ZMPSTE24: variants seen among roughly 807,000 people sequenced by gnomAD.
ZMPSTE24 encodes CAAX prenyl protease 1 homolog.
A neutral mutation model predicts 56.7 loss-of-function variants in ZMPSTE24; 48 were observed. The observed-to-expected ratio is 0.85, with a 90% confidence interval of 0.67 to 1.08. The LOEUF is 1.08. ZMPSTE24 is among the 50% of genes least tolerant of loss of function. The pLI is 0.00. For synonymous variants in ZMPSTE24, 172 were observed against 195.2 expected (o/e 0.88, Z 0.99); for missense variants, 503 against 548.7 (o/e 0.92, Z 0.83).
chr1:40,273,516 T>TAA (rs1205861105), intron 6 of ZMPSTE24, among the ~76,000 whole-genome samples: 5 of 10,586 alleles, frequency 4.7e-4, no homozygotes, highest in African/African-American at 2.3e-3. Flanking sequence ...AAATTCTGTC[T>TAA]AAAAAAAAAA....
Position 40,272,003 on chromosome 1 carries a change from A to G in ZMPSTE24, c.737A>G (p.Asp246Gly). 1 of 1,612,412 alleles carries G rather than the reference A, an allele frequency of 6.2e-7. No homozygotes were observed. Reference sequence around the variant, plus strand: ...ATTGAAGTAATGGCAAAGAGTATTGACTTTCCTTTGACGAAGGTGTATGTT... The same window carrying G: ...ATTGAAGTAATGGCAAAGAGTATTGGCTTTCCTTTGACGAAGGTGTATGTT... ...EEIEVMAKSIDFPLTKVYVVE... is the reference protein window; with the variant it reads ...EEIEVMAKSIGFPLTKVYVVE... Residue 246 changes from aspartate to glycine, a missense_variant, in exon 6 of 10, where the codon GAC becomes GGC. Asp to Gly is a moderately conservative substitution (Grantham distance 94, BLOSUM62 -1). Transcript: ENST00000372759.
rs192736060 is a variant in ZMPSTE24 at position 40,286,424 on chromosome 1, A to G, written c.1059+395A>G. On this transcript the variant is annotated intron_variant, in intron 8 of 9. Transcript: ENST00000372759. ...TTAAAATGCTTTTTAAAATTAAATT[A>G]AAAAAATTTTTTTTGAGACAGAGTC... 2.0e-3 allele frequency among the ~76,000 whole-genome samples: 300 copies of G among 152,212 alleles called. 1 individual carries two copies. Among genetic ancestry groups the G allele is most frequent in the Non-Finnish European group, 3.9e-3 (265 of 68,006 alleles).
intron 7 of ZMPSTE24, among the ~76,000 whole-genome samples, chr1:40,284,073 T>A (rs1643758396): frequency 6.6e-6 from 1 of 150,388 alleles, no homozygotes. Context: ...GTAGCTGGGA[T>A]TACAGGTGTG....
chr1:40,271,768 C>G, intron 5 of ZMPSTE24, 126 bp from the exon 6 acceptor site: 1 of 1,024,824 alleles, frequency 9.8e-7, no homozygotes, highest in Admixed American at 2.5e-5. Flanking sequence ...AATACCAGAG[C>G]AAGTAAGTTC....
At chr1:40,285,877 A>G in intron 7 of ZMPSTE24, 48 bp from the exon 8 acceptor site, 1 of 1,503,706 alleles carries the variant, frequency 6.7e-7, no homozygotes, top group Non-Finnish European at 9.1e-7. Flanking sequence ...AAAAGATAAA[A>G]CTTTTTAAAG....
intron 2 of ZMPSTE24, among the ~76,000 whole-genome samples, chr1:40,261,867 A>G (rs1408297988): frequency 6.6e-6 from 1 of 152,040 alleles, no homozygotes; most frequent in East Asian, 1.9e-4. Flanking sequence ...GTGCCACCAC[A>G]CCTGGCTAAT....
At chr1:40,281,967 C>G (rs1171133418) in intron 7 of ZMPSTE24, among the ~76,000 whole-genome samples, 1 of 152,066 alleles carries the variant, frequency 6.6e-6, no homozygotes, top group Non-Finnish European at 1.5e-5. Context: ...GGATTTGAAT[C>G]CTGGTTCTGT....
At chr1:40,263,263 G>A (rs1643516454) in intron 2 of ZMPSTE24, among the ~76,000 whole-genome samples, 1 of 152,168 alleles carries the variant, frequency 6.6e-6, no homozygotes, top group Non-Finnish European at 1.5e-5. Flanking sequence ...GATGGGCTAA[G>A]GTTGGGAACA....
chr1:40,292,514 C>T lies in ZMPSTE24; in HGVS notation c.1273C>T (p.Leu425Phe). The change falls in exon 10 of 10, where the codon CTT becomes TTT. Residue 425 changes from leucine (L) to phenylalanine (F), a missense_variant. Leu to Phe is a conservative substitution (Grantham distance 22). Transcript: ENST00000372759. Reference protein sequence around the residue: ...EFQADAFAKKLGKAKDLYSAL... With the variant: ...EFQADAFAKKFGKAKDLYSAL... ...TCAAGCTGATGCATTTGCCAAGAAACTTGGGAAGGCTAAAGACTTATATTC... is the reference window on the plus strand; with the variant it reads ...TCAAGCTGATGCATTTGCCAAGAAATTTGGGAAGGCTAAAGACTTATATTC... The T allele has an allele frequency of 1.2e-6, 2 of 1,614,118 alleles. No homozygotes were observed. Among genetic ancestry groups the T allele is most frequent in the Admixed American group, 3.3e-5 (2 of 60,020 alleles).
intron 6 of ZMPSTE24, among the ~76,000 whole-genome samples, chr1:40,275,160 T>C (rs1643655004): frequency 1.3e-5 from 2 of 151,526 alleles, no homozygotes; most frequent in East Asian, 3.9e-4. Flanking sequence ...TGGCTTATGC[T>C]TGTAATCTCA....
At position 40,258,337 on chromosome 1, in the gene ZMPSTE24, C is replaced by T. The variant is rs765822832; in HGVS notation, c.66C>T (p.Ala22=). Residue 22 remains alanine (A), a synonymous_variant, in exon 1 of 10, where the codon GCC becomes GCT. Transcript: ENST00000372759. ...CGGCCGAGAAGCGTATCTTCGGGGC[C>T]GTGCTGCTCTTTTCCTGGACAGTGT... ...EMPAEKRIFG[A]VLLFSWTVYL... The T allele has an allele frequency of 4.8e-5, 77 of 1,614,036 alleles. No homozygotes were observed. Among genetic ancestry groups the T allele is most frequent in the Non-Finnish European group, 2.5e-6 (3 of 1,180,034 alleles).
At chr1:40,259,752 AG>A (rs1272810240) in intron 1 of ZMPSTE24, among the ~76,000 whole-genome samples, 1 of 152,124 alleles carries the variant, frequency 6.6e-6, no homozygotes, top group Non-Finnish European at 1.5e-5. Context: ...CTAGGACCAC[AG>A]GTGCGGATCA....
chr1:40,268,665 A>G, intron 4 of ZMPSTE24, 130 bp downstream of exon 4: 2 of 680,616 alleles, frequency 2.9e-6, no homozygotes, highest in South Asian at 1.9e-5. Context: ...AACTACAGAT[A>G]TGGTAAAGAT....
intron 3 of ZMPSTE24, 72 bp downstream of exon 3, chr1:40,267,944 T>A: frequency 7.8e-6 from 11 of 1,418,436 alleles, no homozygotes; most frequent in Non-Finnish European, 1.1e-5. Flanking sequence ...TAAAGTTAAT[T>A]TTTTGGCTTC....
chr1:40,269,331 G>A lies in ZMPSTE24; in HGVS notation c.475-644G>A, dbSNP rs1008874940. ...GATTGCTTGAGCCCAGGAGGTTGAG[G>A]CTACGGTGAGCCATCATTGTGCCAC... On this transcript the variant is annotated intron_variant, in intron 4 of 9. Coordinates refer to ENST00000372759, the MANE Select transcript of ZMPSTE24 (RefSeq NM_005857.5). Among the ~76,000 whole-genome samples, 38 of 151,890 alleles carry A rather than the reference G, an allele frequency of 2.5e-4. 1 individual carries two copies. The highest frequency in any genetic ancestry group is 8.5e-4 in the African/African-American group (35 of 41,348).
rs1039685468 is a variant in ZMPSTE24, at chr1:40,261,082, A to G, written c.270+97A>G. On this transcript the variant is annotated intron_variant, in intron 2 of 9. Transcript: ENST00000372759. ...AGGGTACCACACTTACAAGTCCCAG[A>G]ATGCTTTCTTAACCTTTGTTATTGA... 5 of 1,464,428 alleles carry G rather than the reference A, an allele frequency of 3.4e-6. No individual in the cohort carries two copies. In the African/African-American group the frequency reaches 7.0e-5, roughly 20 times the overall value. 90.7% of individuals were successfully genotyped at this position (1,464,428 alleles called of 1,614,324 possible).
At chr1:40,267,122 T>G (rs536436074) in intron 2 of ZMPSTE24, among the ~76,000 whole-genome samples, 5 of 151,068 alleles carry the variant, frequency 3.3e-5, no homozygotes, top group South Asian at 2.1e-4. Flanking sequence ...TGACAAAAGG[T>G]TTTTTTTTGT....
intron 7 of ZMPSTE24, among the ~76,000 whole-genome samples, chr1:40,284,086 C>T (rs1643758552): frequency 6.7e-6 from 1 of 148,270 alleles, no homozygotes; most frequent in African/African-American, 2.5e-5. Context: ...CAGGTGTGCA[C>T]CAGCATGCCC....
At chr1:40,259,278 A>C (rs1185250006) in intron 1 of ZMPSTE24, 1 of 152,176 alleles carries the variant, frequency 6.6e-6, no homozygotes, top group Non-Finnish European at 1.5e-5. Context: ...AATTTACCTG[A>C]GATAACCATG....
Sources: gnomAD v4.1 joint callset for allele counts (sites outside exome capture counted in the v4.1 genomes callset) on GRCh38, gnomAD v4.1.1 for gene constraint, MANE v1.5 for transcripts, NCBI Gene and HGNC (gene_info 2026-07-23, HGNC 2026-07-21) for gene names.